PRKAG2: variants seen among roughly 807,000 people sequenced by gnomAD.
PRKAG2 encodes protein kinase AMP-activated non-catalytic subunit gamma 2.
PRKAG2 carries 26 observed loss-of-function variants against 69.6 expected under a neutral mutation model. The observed-to-expected ratio is 0.37, with a 90% CI of 0.27 to 0.52. The LOEUF (loss-of-function observed/expected upper bound fraction) is 0.52. PRKAG2 is among the 20% of genes least tolerant of loss of function. PRKAG2 has a pLI of 0.90. For missense variants in PRKAG2, 557 were observed against 740.0 expected, an observed-to-expected ratio of 0.75 and a Z score of 2.87; for synonymous variants, 293 against 285.0, an observed-to-expected ratio of 1.03 and a Z score of -0.28.
intron 3 of PRKAG2, among the ~76,000 whole-genome samples, chr7:151,698,862 C>T (rs886897744): frequency 4.6e-5 from 7 of 152,320 alleles, no homozygotes; most frequent in Middle Eastern, 3.4e-3. Flanking sequence ...TGGATACCAG[C>T]GTCAGCCCCT....
chr7:151,597,248 A>ATCTC (rs1357358139), intron 5 of PRKAG2, among the ~76,000 whole-genome samples: 1 of 152,238 alleles, frequency 6.6e-6, no homozygotes, highest in Non-Finnish European at 1.5e-5. Flanking sequence ...CTGGACTCCT[A>ATCTC]TCTCTCATCA....
chr7:151,684,167 C>A (rs1834316853), intron 3 of PRKAG2, among the ~76,000 whole-genome samples: 1 of 152,148 alleles, frequency 6.6e-6, no homozygotes, highest in Admixed American at 6.5e-5. Context: ...CCTCAGGGAC[C>A]CTGCCTGCCA....
chr7:151,685,026 G>A (rs1254057990), intron 3 of PRKAG2, among the ~76,000 whole-genome samples: 1 of 152,160 alleles, frequency 6.6e-6, no homozygotes, highest in African/African-American at 2.4e-5. Flanking sequence ...AGGCCCAGGA[G>A]TCCACTTCCT....
chr7:151,864,563 A>G (rs918554149), intron 1 of PRKAG2, among the ~76,000 whole-genome samples: 1 of 152,198 alleles, frequency 6.6e-6, no homozygotes, highest in Non-Finnish European at 1.5e-5. Flanking sequence ...CTGTCTTTGA[A>G]AATACTCTAT....
At chr7:151,752,836 C>T (rs1649986285) in intron 3 of PRKAG2, among the ~76,000 whole-genome samples, 1 of 152,218 alleles carries the variant, frequency 6.6e-6, no homozygotes. Flanking sequence ...TACACAATCC[C>T]AAAGTAGGTC....
intron 3 of PRKAG2, among the ~76,000 whole-genome samples, chr7:151,675,945 G>T (rs1832873887): frequency 6.6e-6 from 1 of 152,120 alleles, no homozygotes; most frequent in Non-Finnish European, 1.5e-5. Context: ...CTTAGAATCA[G>T]CTGTTTCCAG....
intron 3 of PRKAG2, among the ~76,000 whole-genome samples, chr7:151,772,719 G>A (rs1009059007): frequency 2.6e-5 from 4 of 152,008 alleles, no homozygotes; most frequent in African/African-American, 9.7e-5. Context: ...AGGTGTGGTG[G>A]TTCACACCTA....
At chr7:151,760,844 A>G (rs1020171895) in intron 3 of PRKAG2, among the ~76,000 whole-genome samples, 2 of 152,160 alleles carry the variant, frequency 1.3e-5, no homozygotes, top group African/African-American at 4.8e-5. Flanking sequence ...CAGCTTGGCC[A>G]TGATTGCCTT....
chr7:151,639,424 G>A (rs774712982), intron 4 of PRKAG2, among the ~76,000 whole-genome samples: 2 of 152,154 alleles, frequency 1.3e-5, no homozygotes, highest in Non-Finnish European at 2.9e-5. Context: ...CTAGACAACC[G>A]GTAAAGCATT....
At chr7:151,736,169 C>T in intron 3 of PRKAG2, 1 of 1,434,752 alleles carries the variant, frequency 7.0e-7, no homozygotes, top group Non-Finnish European at 9.1e-7. Flanking sequence ...GCGTCCTCAC[C>T]AGGGGGTCTT....
chr7:151,816,701 C>G (rs567733635), intron 1 of PRKAG2, among the ~76,000 whole-genome samples: 1 of 152,370 alleles, frequency 6.6e-6, no homozygotes, highest in East Asian at 1.9e-4. Context: ...AGCCAGCCCC[C>G]CGGGCACCGA....
chr7:151,852,149 G>C (rs1195410104), intron 1 of PRKAG2, among the ~76,000 whole-genome samples: 1 of 152,312 alleles, frequency 6.6e-6, no homozygotes, highest in Middle Eastern at 3.4e-3. Context: ...TAAGGTGCCA[G>C]CTCAGACCGA....
intron 5 of PRKAG2, among the ~76,000 whole-genome samples, chr7:151,608,011 A>G (rs1817905921): frequency 6.6e-6 from 1 of 152,142 alleles, no homozygotes; most frequent in African/African-American, 2.4e-5. Flanking sequence ...TCCAATGACA[A>G]GTGTCCTTAT....
intron 1 of PRKAG2, among the ~76,000 whole-genome samples, chr7:151,798,074 G>A (rs999032880): frequency 6.6e-6 from 1 of 152,274 alleles, no homozygotes; most frequent in African/African-American, 2.4e-5. Context: ...GCACAATCTC[G>A]GCTCACTGCA....
At chr7:151,841,454 T>C (rs1182249745) in intron 1 of PRKAG2, among the ~76,000 whole-genome samples, 1 of 146,500 alleles carries the variant, frequency 6.8e-6, no homozygotes, top group African/African-American at 2.6e-5. Flanking sequence ...GTAGGGATGG[T>C]AGTGATAGTA....
Position 151,614,416 on chromosome 7 carries a change from C to T in PRKAG2, c.754+17653G>A, listed in dbSNP as rs898373068. Among the ~76,000 whole-genome samples the T allele has an allele frequency of 6.6e-6, 1 of 152,112 alleles. No individual in the cohort carries two copies. Among genetic ancestry groups the T allele is most frequent in the Non-Finnish European group, 1.5e-5 (1 of 67,998 alleles). ...ATCCTGGAGGTGACCAGAAGCCACA[C>T]AGGGGCTCACACAGGAGGCTGAAAA... On this transcript the variant is annotated intron_variant, in intron 5 of 15. Transcript: ENST00000287878. This position sits in a 1 kb window ranked among gnomAD's most constrained non-coding sequence, Gnocchi z 4.4.
At chr7:151,603,204 C>T (rs1242713230) in intron 5 of PRKAG2, among the ~76,000 whole-genome samples, 2 of 71,540 alleles carry the variant, frequency 2.8e-5, no homozygotes, top group East Asian at 4.3e-4. Context: ...TCACCGCACA[C>T]GGAGGGACAC....
chr7:151,668,527 AT>A (rs1178831710), intron 4 of PRKAG2, among the ~76,000 whole-genome samples: 1 of 152,188 alleles, frequency 6.6e-6, no homozygotes, highest in Non-Finnish European at 1.5e-5. Flanking sequence ...GCTGCTACCG[AT>A]GGCTCACACC....
rs552308555 is a variant in PRKAG2, at chr7:151,771,660, A to G, written c.466+9492T>C. 1.3e-5 allele frequency among the ~76,000 whole-genome samples: 2 copies of G among 152,310 alleles called. No homozygotes were observed. The highest frequency in any genetic ancestry group is 4.8e-5 in the African/African-American group (2 of 41,554). ...CACTGGTTTGTAAATATCTTTGTAC[A>G]TTAGGGATATTAGTCCTCCATCAAT... is the stretch of plus-strand genomic sequence containing the variant. On this transcript the variant is annotated intron_variant, in intron 3 of 15. Transcript: ENST00000287878. This position sits in a 1 kb window ranked among gnomAD's most constrained non-coding sequence, Gnocchi z 4.0.
Sources: allele counts gnomAD v4.1 joint callset (sites outside exome capture counted in the v4.1 genomes callset), GRCh38; gene constraint gnomAD v4.1.1; non-coding constraint Gnocchi (gnomAD v3.1); transcripts MANE v1.5; gene names NCBI Gene and HGNC (gene_info 2026-07-23, HGNC 2026-07-21).